The following TSNARE1 variants were observed in gnomAD, a reference collection of about 807,000 sequenced individuals.
The protein encoded by TSNARE1 is t-SNARE domain containing 1.
A neutral mutation model predicts 62.0 loss-of-function variants in TSNARE1; 49 were observed. That is an observed-to-expected ratio of 0.79 (90% CI 0.63 to 1.00). The LOEUF (loss-of-function observed/expected upper bound fraction) is 1.00. Ranked by LOEUF, TSNARE1 falls within the 50% of genes least tolerant of loss-of-function variation. TSNARE1 has a pLI of 0.00. For missense variants in TSNARE1, 755 were observed against 700.1 expected (o/e 1.08, Z -0.88); for synonymous variants, 328 against 294.4 (o/e 1.11, Z -1.17).
intron 12 of TSNARE1, chr8:142,272,902 C>A (rs963576560): frequency 3.0e-6 from 3 of 984,942 alleles, no homozygotes; most frequent in Admixed American, 6.1e-5. Flanking sequence ...AGGCCCCTCG[C>A]AGGCAGGTGG....
At chr8:142,300,332 A>G (rs1290843029) in intron 10 of TSNARE1, 154 bp downstream of exon 10, 1 of 779,042 alleles carries the variant, frequency 1.3e-6, no homozygotes, top group Non-Finnish European at 1.9e-6. Flanking sequence ...GGCCAGAGAG[A>G]GGTGGTTAGA....
intron 10 of TSNARE1, among the ~76,000 whole-genome samples, chr8:142,288,174 C>T (rs181864998): frequency 7.9e-5 from 12 of 152,320 alleles, no homozygotes; most frequent in African/African-American, 2.6e-4. Flanking sequence ...TGAGCAAGGC[C>T]GGGTCCAGTG....
rs1039830920 is a variant in TSNARE1, at chr8:142,368,362, A to G, written c.-39-13599T>C. ...AAAAGATTGTTCAAGCTGACTCATA[A>G]CTAGAGAAGTGAAATTTATACTGGT... On this transcript the variant is annotated intron_variant, in intron 1 of 13. Transcript: ENST00000524325. Among the ~76,000 whole-genome samples, 12 of 152,352 alleles carry G rather than the reference A, an allele frequency of 7.9e-5. No homozygotes were observed. The South Asian group carries it at 2.5e-3, about 32-fold the overall frequency.
At chr8:142,262,082 C>T (rs746776940) in intron 12 of TSNARE1, among the ~76,000 whole-genome samples, 1 of 152,254 alleles carries the variant, frequency 6.6e-6, no homozygotes, top group Non-Finnish European at 1.5e-5. Flanking sequence ...GCCCAGCCCT[C>T]CAGCAGACAC....
At chr8:142,222,262 C>CACT (rs1816338224) in intron 13 of TSNARE1, among the ~76,000 whole-genome samples, 2,046 of 25,406 alleles carry the variant, frequency 0.081, 247 homozygotes, top group Admixed American at 0.1. Flanking sequence ...ATCCACTCAT[C>CACT]CACTCACTCA....
intron 1 of TSNARE1, among the ~76,000 whole-genome samples, chr8:142,383,375 G>A: frequency 6.6e-6 from 1 of 150,484 alleles, no homozygotes; most frequent in African/African-American, 2.4e-5. Flanking sequence ...CCAGTACAGA[G>A]TGCAAATGCC....
intron 1 of TSNARE1, among the ~76,000 whole-genome samples, chr8:142,389,382 G>T (rs1014137371): frequency 4.6e-5 from 7 of 152,214 alleles, no homozygotes; most frequent in African/African-American, 1.7e-4. Flanking sequence ...CAATAAAAGT[G>T]GAAATAAATG....
intron 11 of TSNARE1, among the ~76,000 whole-genome samples, chr8:142,280,713 C>A (rs1821282420): frequency 6.6e-6 from 1 of 152,204 alleles, no homozygotes; most frequent in African/African-American, 2.4e-5. Flanking sequence ...AAGCGCTCCA[C>A]AGACTCAGCA....
In TSNARE1 at chr8:142,222,716, CCACTCACTCACTCATCCACT is replaced by C. The variant is rs1816431999; in HGVS notation, c.*11+6737_*11+6756del. ...CTCACTCATCCACTCACTCACTCAT[CCACTCACTCACTCATCCACT>C]CACTCACTCACTCATCCACTCACTC... is the stretch of plus-strand genomic sequence containing the variant. On this transcript the variant is annotated intron_variant, in intron 13 of 13. Coordinates refer to ENST00000524325, the MANE Select transcript of TSNARE1 (RefSeq NM_145003.5). Among the ~76,000 whole-genome samples the C allele has an allele frequency of 2.5e-4, 3 of 11,918 alleles. 1 individual carries two copies. Among genetic ancestry groups the C allele is most frequent in the African/African-American group, 3.5e-4 (2 of 5,698 alleles). 7.8% of individuals were successfully genotyped at this position (11,918 alleles called of 152,430 possible). A position where few individuals can be genotyped will look rare whatever the true frequency, so the allele number is the denominator to read the frequency against.
At chr8:142,361,589 G>A (rs572405889) in intron 1 of TSNARE1, among the ~76,000 whole-genome samples, 2 of 152,210 alleles carry the variant, frequency 1.3e-5, no homozygotes, top group South Asian at 2.1e-4. Flanking sequence ...CTGAGCTCAC[G>A]CATGGGCTTT....
intron 13 of TSNARE1, among the ~76,000 whole-genome samples, chr8:142,225,367 G>A (rs1369769204): frequency 6.6e-6 from 1 of 152,002 alleles, no homozygotes; most frequent in Admixed American, 6.6e-5. Flanking sequence ...ACAGCATCAG[G>A]GCTGCAGTGC....
At chr8:142,367,877 C>T (rs999745357) in intron 1 of TSNARE1, among the ~76,000 whole-genome samples, 11 of 152,120 alleles carry the variant, frequency 7.2e-5, no homozygotes, top group Non-Finnish European at 1.5e-4. Flanking sequence ...GAGACACCTG[C>T]TTAGACATTT....
rs145512046 is a variant in TSNARE1, at chr8:142,295,351, C to G, written c.1290+5135G>C. ...TGGGTTCCAGCCCTGTGGCCTCCCC[C>G]ACTGGGAAGTGGGCATGGTGTCCTC... On this transcript the variant is annotated intron_variant, in intron 10 of 13. Coordinates refer to ENST00000524325, the MANE Select transcript of TSNARE1 (RefSeq NM_145003.5). 3.8e-3 allele frequency among the ~76,000 whole-genome samples: 574 copies of G among 152,350 alleles called. 2 individuals are homozygous for G. Among genetic ancestry groups the G allele is most frequent in the African/African-American group, 0.013 (534 of 41,586 alleles).
chr8:142,377,323 A>G (rs1391769400), intron 1 of TSNARE1, among the ~76,000 whole-genome samples: 1 of 152,120 alleles, frequency 6.6e-6, no homozygotes, highest in East Asian at 1.9e-4. Flanking sequence ...CGTTATCCAC[A>G]CACACGAACA....
chr8:142,300,763 G>GGACGATCTGGGTCTGAGGC (rs80184893), intron 9 of TSNARE1, 119 bp from the exon 10 acceptor site: 134,045 of 1,211,140 alleles, frequency 0.11, 11,245 homozygotes, highest in East Asian at 0.18. Flanking sequence ...CTCTCTGAGG[G>GGACGATCTGGGTCTGAGGC]GACGATCTGG....
At chr8:142,301,474 G>A (rs1171110748) in intron 9 of TSNARE1, among the ~76,000 whole-genome samples, 1 of 105,026 alleles carries the variant, frequency 9.5e-6, no homozygotes, top group African/African-American at 3.9e-5. Flanking sequence ...GGAGCCCACA[G>A]TGCCCCCACC....
chr8:142,360,830 C>G (rs972578033), intron 1 of TSNARE1, among the ~76,000 whole-genome samples: 6 of 152,242 alleles, frequency 3.9e-5, no homozygotes, highest in Non-Finnish European at 8.8e-5. Flanking sequence ...CCACCGGGCT[C>G]CCGGCTCCAG....
chr8:142,222,579 CTCAT>C (rs1816399123), intron 13 of TSNARE1, among the ~76,000 whole-genome samples: 2 of 138,386 alleles, frequency 1.4e-5, no homozygotes, highest in Non-Finnish European at 3.1e-5. Context: ...CACTCAGCCA[CTCAT>C]TCACTCACTC....
Position 142,271,462 on chromosome 8 carries a change from C to T in TSNARE1, c.1446+3319G>A. ...TTTCAGATGCTGCCGCTGGGGTCCT[C>T]CTGGAGGGCAAGGGAGGTGCTGGCG... On this transcript the variant is annotated intron_variant, in intron 12 of 13. Transcript: ENST00000524325. The T allele has an allele frequency of 3.9e-6, 5 of 1,269,956 alleles. No individual in the cohort carries two copies. In the South Asian group the frequency reaches 1.4e-4, roughly 37 times the overall value. 78.7% of individuals were successfully genotyped at this position (1,269,956 alleles called of 1,614,324 possible).
Sources: allele counts gnomAD v4.1 joint callset (sites outside exome capture counted in the v4.1 genomes callset), GRCh38; gene constraint gnomAD v4.1.1; transcripts MANE v1.5; gene names NCBI Gene and HGNC (gene_info 2026-07-23, HGNC 2026-07-21).